Variants in GABBR2 observed in about 807,000 individuals in gnomAD.
GABBR2 encodes gamma-aminobutyric acid type B receptor subunit 2, also known as G-protein coupled receptor 51.
Under a neutral mutation model 105.6 loss-of-function variants are expected in GABBR2, and 23 were observed. The ratio of observed to expected loss-of-function variants is 0.22; its 90% CI spans 0.16 to 0.31. GABBR2 has a LOEUF of 0.31. Ranked by LOEUF, GABBR2 falls within the 10% of genes least tolerant of loss-of-function variation. The pLI is 1.00. For synonymous variants in GABBR2, 478 were observed against 499.7 expected (o/e 0.96, Z 0.58); for missense variants, 734 against 1,245.5 (o/e 0.59, Z 6.18).
In GABBR2 at chr9:98,464,456, G is replaced by A. The variant is rs373016713; in HGVS notation, c.999+8690C>T. Among the ~76,000 whole-genome samples, 4 of 149,276 alleles carry A rather than the reference G, an allele frequency of 2.7e-5. No homozygotes were observed. In the East Asian group the frequency reaches 6.2e-4, roughly 23 times the overall value. On this transcript the variant is annotated intron_variant, in intron 6 of 18. Coordinates refer to ENST00000259455, the MANE Select transcript of GABBR2 (RefSeq NM_005458.8). ...CCGGCTGCCCCAAATGGGAACTGAG[G>A]AGCGCCTCTGCCTGGCCGCCCCCAT...
intron 2 of GABBR2, 83 bp downstream of exon 2, chr9:98,577,852 C>T: frequency 7.3e-7 from 1 of 1,370,446 alleles, no homozygotes; most frequent in South Asian, 1.4e-5. Context: ...ATAGAAACCA[C>T]ATTGTACAAG....
At chr9:98,367,493 T>G (rs920118750) in intron 12 of GABBR2, among the ~76,000 whole-genome samples, 6 of 151,912 alleles carry the variant, frequency 3.9e-5, no homozygotes, top group Non-Finnish European at 8.8e-5. Flanking sequence ...AGGGAGTTAG[T>G]GTTGAATGGG....
At chr9:98,372,166 G>A (rs947894543) in intron 11 of GABBR2, among the ~76,000 whole-genome samples, 12 of 152,154 alleles carry the variant, frequency 7.9e-5, no homozygotes, top group African/African-American at 2.2e-4. Flanking sequence ...GGGAACAGCC[G>A]GCCCTGACAG....
intron 1 of GABBR2, among the ~76,000 whole-genome samples, chr9:98,614,293 G>A (rs1161524698): frequency 6.6e-6 from 1 of 152,234 alleles, no homozygotes; most frequent in Non-Finnish European, 1.5e-5. Flanking sequence ...GGAGGCCAAG[G>A]CAGGTGGATC....
intron 7 of GABBR2, among the ~76,000 whole-genome samples, chr9:98,415,160 G>A (rs905926814): frequency 2.0e-5 from 3 of 152,144 alleles, no homozygotes; most frequent in East Asian, 1.9e-4. Context: ...AAGTAAAAAC[G>A]TTAACACTGG....
chr9:98,679,037 G>C lies in GABBR2; in HGVS notation c.321+29380C>G, dbSNP rs557106526. ...CAAAGCCCTCTTAGCAAATGGGAAAGAGGATACCTCCAGGACATGACAAAG... is the reference window on the plus strand; with the variant it reads ...CAAAGCCCTCTTAGCAAATGGGAAACAGGATACCTCCAGGACATGACAAAG... On this transcript the variant is annotated intron_variant, in intron 1 of 18. Coordinates refer to ENST00000259455, the MANE Select transcript of GABBR2 (RefSeq NM_005458.8). 1.3e-5 allele frequency among the ~76,000 whole-genome samples: 2 copies of C among 152,274 alleles called. 1 individual carries two copies. The highest frequency in any genetic ancestry group is 4.2e-4 in the South Asian group (2 of 4,814).
chr9:98,457,668 C>T (rs1826350053), intron 6 of GABBR2, among the ~76,000 whole-genome samples: 1 of 152,116 alleles, frequency 6.6e-6, no homozygotes, highest in African/African-American at 2.4e-5. Flanking sequence ...TGTAGCTAAG[C>T]CCTGAAAGGT....
intron 6 of GABBR2, among the ~76,000 whole-genome samples, chr9:98,456,979 T>G (rs1321667586): frequency 6.6e-6 from 1 of 152,258 alleles, no homozygotes; most frequent in Non-Finnish European, 1.5e-5. Flanking sequence ...AGTGTCTCCT[T>G]GTTATTTTTC....
intron 1 of GABBR2, among the ~76,000 whole-genome samples, chr9:98,672,148 A>G (rs915384080): frequency 6.6e-6 from 1 of 152,202 alleles, no homozygotes; most frequent in African/African-American, 2.4e-5. Context: ...TTGTGCAACC[A>G]ATTTCCAGAA....
intron 7 of GABBR2, among the ~76,000 whole-genome samples, chr9:98,448,559 G>A (rs1177732190): frequency 2.0e-5 from 3 of 152,164 alleles, no homozygotes; most frequent in Non-Finnish European, 4.4e-5. Flanking sequence ...TGAGACTACA[G>A]GCACCTGCCA....
intron 6 of GABBR2, among the ~76,000 whole-genome samples, chr9:98,464,638 A>G (rs1451012719): frequency 6.6e-6 from 1 of 152,140 alleles, no homozygotes; most frequent in Non-Finnish European, 1.5e-5. Flanking sequence ...GACCATCGAG[A>G]ATGGGCCATG....
At chr9:98,505,946 C>T (rs1827502360) in intron 3 of GABBR2, among the ~76,000 whole-genome samples, 1 of 152,174 alleles carries the variant, frequency 6.6e-6, no homozygotes, top group South Asian at 2.1e-4. Context: ...ACTAATACAC[C>T]TGGGGCAGGT....
intron 1 of GABBR2, among the ~76,000 whole-genome samples, chr9:98,645,097 T>G (rs1053471312): frequency 6.6e-6 from 1 of 152,226 alleles, no homozygotes; most frequent in African/African-American, 2.4e-5. Context: ...CTTGAGAGAC[T>G]GGCTTGCCAT....
At chr9:98,598,772 C>T (rs1474077796) in intron 1 of GABBR2, among the ~76,000 whole-genome samples, 1 of 152,066 alleles carries the variant, frequency 6.6e-6, no homozygotes, top group Admixed American at 6.6e-5. Context: ...GCTCATCCAG[C>T]GAGCATGAAC....
At chr9:98,501,144 CCCCTGCT>C (rs1827391936) in intron 3 of GABBR2, among the ~76,000 whole-genome samples, 1 of 138,842 alleles carries the variant, frequency 7.2e-6, no homozygotes, top group South Asian at 2.3e-4. Flanking sequence ...CCTTCCCCGC[CCCCTGCT>C]CCTTTTTTTT....
chr9:98,477,603 A>C (rs1177303337), intron 5 of GABBR2, among the ~76,000 whole-genome samples: 1 of 152,160 alleles, frequency 6.6e-6, no homozygotes, highest in Non-Finnish European at 1.5e-5. Context: ...CTATTGCATG[A>C]GAGTGGGCCA....
At chr9:98,502,974 G>A (rs902815933) in intron 3 of GABBR2, among the ~76,000 whole-genome samples, 6 of 152,154 alleles carry the variant, frequency 3.9e-5, no homozygotes, top group South Asian at 4.1e-4. Flanking sequence ...TTCAGGAACC[G>A]TCTGAGGTAG....
chr9:98,441,549 G>C (rs1197381424), intron 7 of GABBR2, among the ~76,000 whole-genome samples: 2 of 152,118 alleles, frequency 1.3e-5, no homozygotes, highest in Admixed American at 6.5e-5. Context: ...TGTATTTTTA[G>C]TAGAGACAGG....
chr9:98,569,728 T>C (rs1828800747), intron 2 of GABBR2, among the ~76,000 whole-genome samples: 1 of 152,186 alleles, frequency 6.6e-6, no homozygotes, highest in South Asian at 2.1e-4. Flanking sequence ...TCTCTGTTTT[T>C]CAGCCTGTAC....
Sources: allele counts gnomAD v4.1 joint callset (sites outside exome capture counted in the v4.1 genomes callset), GRCh38; gene constraint gnomAD v4.1.1; transcripts MANE v1.5; gene names NCBI Gene and HGNC (gene_info 2026-07-23, HGNC 2026-07-21).